Variants in NTMT1 observed in about 807,000 individuals in gnomAD.
NTMT1 encodes the protein N-terminal Xaa-Pro-Lys N-methyltransferase 1, also known as N-terminal RCC1 methyltransferase.
Under a neutral mutation model 17.5 loss-of-function variants are expected in NTMT1, and 8 were observed. That is an observed-to-expected ratio of 0.46 (90% CI 0.27 to 0.82). The LOEUF is 0.82. NTMT1 is among the 40% of genes least tolerant of loss of function. The probability of loss-of-function intolerance (pLI) is 0.15; values close to 1 mark genes in which losing one functional copy is unlikely to be tolerated. For missense variants in NTMT1, 221 were observed against 303.5 expected, an observed-to-expected ratio of 0.73 and a Z score of 2.02; for synonymous variants, 128 against 126.8, an observed-to-expected ratio of 1.01 and a Z score of -0.06.
rs1273135610 is a variant in NTMT1, at chr9:129,634,995, T to C, written c.416-213T>C. 6.8e-6 allele frequency: 4 copies of C among 591,940 alleles called. No individual in the cohort carries two copies. In the East Asian group the frequency reaches 8.7e-5, roughly 13 times the overall value. 36.7% of individuals were successfully genotyped at this position (591,940 alleles called of 1,614,324 possible). ...CCCGTCAAGTCAAATTCTGGCTTAA[T>C]GTGTCTTTAGGTAGATGACCTCTGA... On this transcript the variant is annotated intron_variant, in intron 3 of 3. Transcript: ENST00000372483.
chr9:129,635,516 G>A lies in NTMT1; in HGVS notation c.*52G>A. On this transcript the variant is annotated 3_prime_UTR_variant, in exon 4 of 4. Transcript: ENST00000372483. ...AACCACAGTCCTGGTGGGGGGAGCT[G>A]GCAGCTGGGCAAGATCCAGGCGCCA... The A allele has an allele frequency of 1.9e-6, 3 of 1,569,110 alleles. No homozygotes were observed. Among genetic ancestry groups the A allele is most frequent in the South Asian group, 2.3e-5 (2 of 85,286 alleles).
rs748854577 is a variant in NTMT1, at chr9:129,613,303, C to T, written c.-55+4125C>T. On this transcript the variant is annotated intron_variant, in intron 1 of 3. Coordinates refer to the NTMT1 transcript ENST00000372486. This position sits in a 1 kb window ranked among gnomAD's most constrained non-coding sequence, Gnocchi z 6.2. The stretch of plus-strand genomic sequence containing the variant: ...TCCTGGACTCTGAGTCCCCGGCCCA[C>T]CCATGGCTGGCAGGGCCCTTGAGGA... 1.9e-6 allele frequency: 3 copies of T among 1,568,338 alleles called. No individual in the cohort carries two copies. Among genetic ancestry groups the T allele is most frequent in the Non-Finnish European group, 2.6e-6 (3 of 1,155,780 alleles).
upstream of NTMT1, among the ~76,000 whole-genome samples, chr9:129,625,303 A>T (rs553942441): frequency 1.3e-5 from 2 of 152,298 alleles, no homozygotes; most frequent in African/African-American, 4.8e-5. Context: ...ATCCCATGGC[A>T]CTGCCGAGAG....
In NTMT1 at chr9:129,635,537, C is replaced by T. The variant is rs78602607; in HGVS notation, c.*73C>T. The stretch of plus-strand genomic sequence containing the variant: ...AGCTGGCAGCTGGGCAAGATCCAGG[C>T]GCCACGCTGGCGGTTCGTGAGTGTC... On this transcript the variant is annotated 3_prime_UTR_variant, in exon 4 of 4. Transcript: ENST00000372483. 3.2e-4 allele frequency: 494 copies of T among 1,525,550 alleles called. 1 individual carries two copies. In the African/African-American group the frequency reaches 5.2e-3, roughly 16 times the overall value. 94.5% of individuals were successfully genotyped at this position (1,525,550 alleles called of 1,614,324 possible).
intron 1 of NTMT1, chr9:129,615,727 G>A: frequency 7.0e-7 from 1 of 1,421,590 alleles, no homozygotes; most frequent in Non-Finnish European, 9.3e-7. Flanking sequence ...GACTCGCTGT[G>A]AGATCCTGGA....
At position 129,620,615 on chromosome 9, in the gene NTMT1, TG is replaced by T; in HGVS notation, c.-55+11440del. On this transcript the variant is annotated intron_variant, in intron 1 of 3. Coordinates refer to the NTMT1 transcript ENST00000372486. This position sits in a 1 kb window ranked among gnomAD's most constrained non-coding sequence, Gnocchi z 5.8. ...CAGCTCACCGCACCCTCAGCGCGCG[TG>T]GGTGGGGGGCGCCGGCTGAGGTGGG... 7.7e-7 allele frequency: 1 copy of T among 1,299,156 alleles called. No homozygotes were observed. Among genetic ancestry groups the T allele is most frequent in the South Asian group, 2.7e-5 (1 of 37,410 alleles). 80.5% of individuals were successfully genotyped at this position (1,299,156 alleles called of 1,614,324 possible).
chr9:129,616,513 C>T (rs893596963), intron 1 of NTMT1, among the ~76,000 whole-genome samples: 1 of 152,042 alleles, frequency 6.6e-6, no homozygotes, highest in East Asian at 1.9e-4. Context: ...ACCGCCCGCC[C>T]GCCTGCCTGA....
At position 129,613,170 on chromosome 9, in the gene NTMT1, G is replaced by A. The variant is rs749311308; in HGVS notation, c.-55+3992G>A. On this transcript the variant is annotated intron_variant, in intron 1 of 3. Coordinates refer to the NTMT1 transcript ENST00000372486. The surrounding 1 kb of genome is among the most constrained non-coding windows in gnomAD (Gnocchi z 6.2). The stretch of plus-strand genomic sequence containing the variant: ...GGCTGCTTCGCGGCCTCTGAGCAGC[G>A]GCCTTCTTCCATGAACAGAAGGGCA... The A allele has an allele frequency of 9.9e-6, 16 of 1,613,586 alleles. No homozygotes were observed. Among genetic ancestry groups the A allele is most frequent in the South Asian group, 2.2e-5 (2 of 91,076 alleles).
intron 1 of NTMT1, among the ~76,000 whole-genome samples, chr9:129,631,289 TC>T: frequency 1.3e-5 from 2 of 152,348 alleles, no homozygotes; most frequent in South Asian, 4.1e-4. Flanking sequence ...TTCTTTGTCC[TC>T]CTGGACTAGA....
intron 1 of NTMT1, chr9:129,615,515 T>TGTGTCCTGCA (rs1381345300): frequency 1.2e-5 from 19 of 1,608,874 alleles, no homozygotes; most frequent in Non-Finnish European, 1.6e-5. Flanking sequence ...AGCGGAGCGT[T>TGTGTCCTGCA]GTGTCCTGCA....
rs988430582 is a variant in NTMT1 at position 129,620,313 on chromosome 9, G to T, written c.-55+11135G>T. ...AGCCCCCGCTTCCGCACGGCCCGCC[G>T]GGTCGCGGTGAGCAAGGCGGGCAGG... On this transcript the variant is annotated intron_variant, in intron 1 of 3. Coordinates refer to the NTMT1 transcript ENST00000372486. The surrounding 1 kb of genome is among the most constrained non-coding windows in gnomAD (Gnocchi z 5.8). 4.0e-6 allele frequency: 5 copies of T among 1,242,780 alleles called. No homozygotes were observed. Among genetic ancestry groups the T allele is most frequent in the Non-Finnish European group, 5.0e-6 (5 of 991,412 alleles). The allele number at this position is 1,242,780 out of a possible 1,614,324, so 77.0% of individuals were successfully genotyped here. A position where few individuals can be genotyped will look rare whatever the true frequency, so the allele number is the denominator to read the frequency against.
intron 1 of NTMT1, among the ~76,000 whole-genome samples, chr9:129,616,098 A>C (rs930075513): frequency 6.6e-6 from 1 of 152,202 alleles, no homozygotes; most frequent in East Asian, 1.9e-4. Context: ...CTTGTCTGTA[A>C]AATGGGAATC....
At chr9:129,618,420 G>A (rs1225706407) in intron 1 of NTMT1, among the ~76,000 whole-genome samples, 4 of 152,162 alleles carry the variant, frequency 2.6e-5, no homozygotes, top group African/African-American at 2.4e-5. Context: ...AAGACTGGGT[G>A]GGTGGGTTGA....
At chr9:129,630,563 A>C (rs1588137992) in intron 1 of NTMT1, among the ~76,000 whole-genome samples, 1 of 152,232 alleles carries the variant, frequency 6.6e-6, no homozygotes, top group East Asian at 1.9e-4. Context: ...CTTCTCTTGA[A>C]GCCCCTAGAG....
At chr9:129,617,232 C>G (rs546054938) in intron 1 of NTMT1, among the ~76,000 whole-genome samples, 1 of 150,642 alleles carries the variant, frequency 6.6e-6, no homozygotes, top group South Asian at 2.1e-4. Context: ...TGTGTAGATG[C>G]AGAGGGAATG....
At chr9:129,619,972 A>T in intron 1 of NTMT1, 2 of 1,474,664 alleles carry the variant, frequency 1.4e-6, no homozygotes, top group Non-Finnish European at 1.8e-6. Flanking sequence ...GCATCCTTCT[A>T]GCCTGGGTGG....
At chr9:129,630,201 A>C (rs1564346412) in intron 1 of NTMT1, among the ~76,000 whole-genome samples, 1 of 152,156 alleles carries the variant, frequency 6.6e-6, no homozygotes, top group Non-Finnish European at 1.5e-5. Flanking sequence ...GGCTGGGTGC[A>C]GTGGTTTCTG....
chr9:129,626,149 TG>T (rs1049649811), upstream of NTMT1: 2 of 152,162 alleles, frequency 1.3e-5, no homozygotes, highest in East Asian at 1.9e-4. Context: ...GAAGTGACGT[TG>T]GCGGACAAAG....
chr9:129,633,129 G>A (rs534317527), intron 2 of NTMT1: 13 of 493,766 alleles, frequency 2.6e-5, no homozygotes, highest in Middle Eastern at 5.2e-4. Context: ...CTCTTCAACT[G>A]TTGGGTTTTG....
Sources: allele counts gnomAD v4.1 joint callset (sites outside exome capture counted in the v4.1 genomes callset), GRCh38; gene constraint gnomAD v4.1.1; non-coding constraint Gnocchi (gnomAD v3.1); transcripts MANE v1.5; gene names NCBI Gene and HGNC (gene_info 2026-07-23, HGNC 2026-07-21).